The following TRIM49B variants were observed in gnomAD, a reference collection of about 807,000 sequenced individuals.
TRIM49B encodes putative tripartite motif-containing protein 49B.
A neutral mutation model predicts 31.8 loss-of-function variants in TRIM49B; 18 were observed. The ratio of observed to expected loss-of-function variants is 0.57; its 90% CI spans 0.39 to 0.84. The LOEUF (loss-of-function observed/expected upper bound fraction) is 0.84. TRIM49B is among the 40% of genes least tolerant of loss of function. The pLI is 0.00. For synonymous variants in TRIM49B, 196 were observed against 180.6 expected (o/e 1.09, Z -0.68); for missense variants, 494 against 538.7 (o/e 0.92, Z 0.82).
rs779137531 is a variant in TRIM49B at position 49,036,376 on chromosome 11, G to A, written c.837G>A (p.Arg279=). The A allele has an allele frequency of 5.7e-5, 90 of 1,571,476 alleles. No individual in the cohort carries two copies. The highest frequency in any genetic ancestry group is 7.7e-5 in the Non-Finnish European group (89 of 1,158,412). ...ELSAGPITGL[R]DRLNQFRVHI... is the part of the protein sequence containing the mutation. ...GTGCAGGGCCCATCACTGGACTGAG[G>A]GACAGGCTCAACCAATTCCGAGGTA... Residue 279 remains arginine (R), a synonymous_variant, in exon 6 of 7, where the codon AGG becomes AGA. Transcript: ENST00000332682.
In TRIM49B at chr11:49,031,797, C is replaced by T. The variant is rs143516229; in HGVS notation, c.198C>T (p.Thr66=). Residue 66 remains threonine, a synonymous_variant, in exon 2 of 7, where the codon ACC becomes ACT. Transcript: ENST00000332682. ...CAACAGGGCAGATAAACCTCAAAAC[C>T]AACATTCATTTCAAGAAGATGGCTT... is the stretch of plus-strand genomic sequence containing the variant. ...TKSTGQINLK[T]NIHFKKMASL... is the part of the protein sequence containing the mutation. The T allele has an allele frequency of 8.6e-5, 138 of 1,613,958 alleles. 1 individual carries two copies. In the African/African-American group the frequency reaches 1.4e-3, roughly 16 times the overall value.
chr11:49,031,245 A>T (rs1854441427), intron 1 of TRIM49B, among the ~76,000 whole-genome samples: 1 of 152,066 alleles, frequency 6.6e-6, no homozygotes, highest in Non-Finnish European at 1.5e-5. Context: ...GTCATTCATC[A>T]GTTATTGAAA....
At chr11:49,030,325 A>T (rs758591496) in intron 1 of TRIM49B, among the ~76,000 whole-genome samples, 11 of 146,340 alleles carry the variant, frequency 7.5e-5, no homozygotes, top group Non-Finnish European at 1.0e-4. Flanking sequence ...TGACAGAAGG[A>T]TACTCTGTCT....
intron 4 of TRIM49B, 40 bp from the exon 5 acceptor site, chr11:49,035,055 G>C (rs568081128): frequency 1.3e-5 from 20 of 1,569,938 alleles, no homozygotes; most frequent in Admixed American, 8.8e-5. Context: ...GATGCATCTT[G>C]TGAAATGCAC....
Position 49,031,949 on chromosome 11 carries a change from G to T in TRIM49B, c.350G>T (p.Ser117Ile). ...DRSLLCLLCS[S>I]SQEHRDHRHC... is the part of the protein sequence containing the mutation. ...AGCCTGCTCTGTTTGCTGTGCTCCA[G>T]CTCTCAGGAGCACCGGGATCACAGA... The change falls in exon 2 of 7, where the codon AGC (serine) becomes ATC (isoleucine). Residue 117 changes from serine to isoleucine, a missense_variant. Ser to Ile is a moderately radical substitution (Grantham distance 142, BLOSUM62 -2). Coordinates refer to ENST00000332682, the MANE Select transcript of TRIM49B (RefSeq NM_001206626.2). The T allele has an allele frequency of 2.5e-6, 4 of 1,612,038 alleles. No homozygotes were observed. Among genetic ancestry groups the T allele is most frequent in the Non-Finnish European group, 3.4e-6 (4 of 1,179,864 alleles).
chr11:49,029,837 T>C (rs1270569627), intron 1 of TRIM49B, among the ~76,000 whole-genome samples: 1 of 152,200 alleles, frequency 6.6e-6, no homozygotes. Flanking sequence ...TACCAATATG[T>C]TTACTGTACC....
At chr11:49,035,232 C>G (rs1854507753) in intron 5 of TRIM49B, 115 bp downstream of exon 5, 1 of 1,509,874 alleles carries the variant, frequency 6.6e-7, no homozygotes, top group Non-Finnish European at 8.9e-7. Context: ...ATATTGATAC[C>G]ACTTTTTTTT....
At chr11:49,034,793 A>G (rs1854499689) in intron 4 of TRIM49B, among the ~76,000 whole-genome samples, 2 of 152,220 alleles carry the variant, frequency 1.3e-5, no homozygotes, top group Non-Finnish European at 2.9e-5. Context: ...TAACAGGTTC[A>G]GTTAAAGATG....
chr11:49,036,257 A>T (rs780951238), intron 5 of TRIM49B, 44 bp from the exon 6 acceptor site: 4 of 1,593,268 alleles, frequency 2.5e-6, no homozygotes, highest in Non-Finnish European at 3.4e-6. Context: ...ATTTTTATTT[A>T]TTTTATGGCT....
intron 5 of TRIM49B, among the ~76,000 whole-genome samples, chr11:49,036,049 C>A: frequency 7.0e-6 from 1 of 142,454 alleles, no homozygotes. Context: ...TTCTCAAGGC[C>A]ATAAAGCTAA....
intron 3 of TRIM49B, among the ~76,000 whole-genome samples, chr11:49,033,533 G>A (rs1249004626): frequency 6.6e-6 from 1 of 151,946 alleles, no homozygotes; most frequent in Admixed American, 6.6e-5. Context: ...AATTCTAGTT[G>A]GAGAGAATAG....
chr11:49,034,634 C>T (rs1318584478), intron 4 of TRIM49B, among the ~76,000 whole-genome samples: 3 of 152,008 alleles, frequency 2.0e-5, no homozygotes, highest in Admixed American at 6.5e-5. Flanking sequence ...TATTCCCCAT[C>T]TAATTCAATA....
chr11:49,033,154 T>C (rs992023431), intron 3 of TRIM49B, among the ~76,000 whole-genome samples: 6 of 152,174 alleles, frequency 3.9e-5, no homozygotes, highest in Non-Finnish European at 8.8e-5. Flanking sequence ...GGAAGCACCT[T>C]TGTCCTCACA....
Position 49,038,099 on chromosome 11 carries a change from T to C in TRIM49B, c.*122T>C. On this transcript the variant is annotated 3_prime_UTR_variant, in exon 7 of 7. Coordinates refer to ENST00000332682, the MANE Select transcript of TRIM49B (RefSeq NM_001206626.2). ...CTATTTTATATCTTGAATTGCCTTC[T>C]AATGTTATCAAAACTCATTTATTGT... The C allele has an allele frequency of 6.5e-7, 1 of 1,540,764 alleles. No individual in the cohort carries two copies. Among genetic ancestry groups the C allele is most frequent in the South Asian group, 1.3e-5 (1 of 78,180 alleles).
chr11:49,037,586 C>G lies in TRIM49B; in HGVS notation c.968C>G (p.Ala323Gly), dbSNP rs751696082. Residue 323 changes from alanine to glycine, a missense_variant, in exon 7 of 7, where the codon GCA becomes GGA. By Grantham distance (60) the Ala-to-Gly change is moderately conservative. Around this residue, in one of 3 missense-constraint regions of TRIM49B, gnomAD observed 233 missense variants for 281.4 expected, o/e 0.83. Coordinates refer to ENST00000332682, the MANE Select transcript of TRIM49B (RefSeq NM_001206626.2). Reference sequence around the variant, plus strand: ...CATCAAGATGTACCCTATTTCACTGCAACACCTAGAAGTTTTCTTGCATGG... The same window carrying G: ...CATCAAGATGTACCCTATTTCACTGGAACACCTAGAAGTTTTCTTGCATGG... Reference protein sequence around the residue: ...CDHQDVPYFTATPRSFLAWGA... With the variant: ...CDHQDVPYFTGTPRSFLAWGA... 3.1e-6 allele frequency: 5 copies of G among 1,614,118 alleles called. No individual in the cohort carries two copies. The East Asian group carries it at 1.1e-4, about 36-fold the overall frequency.
Position 49,037,991 on chromosome 11 carries a change from A to G in TRIM49B, c.*14A>G. On this transcript the variant is annotated 3_prime_UTR_variant, in exon 7 of 7. Coordinates refer to ENST00000332682, the MANE Select transcript of TRIM49B (RefSeq NM_001206626.2). ...ATTCACTTCTGACCAGAGACAAATCAGAAATGTGTTCACATGCTGTGGGAA... is the reference window on the plus strand; with the variant it reads ...ATTCACTTCTGACCAGAGACAAATCGGAAATGTGTTCACATGCTGTGGGAA... The G allele has an allele frequency of 6.2e-7, 1 of 1,602,460 alleles. No individual in the cohort carries two copies. Among genetic ancestry groups the G allele is most frequent in the East Asian group, 2.2e-5 (1 of 44,850 alleles).
At chr11:49,032,897 G>A (rs1434320148) in intron 3 of TRIM49B, among the ~76,000 whole-genome samples, 1 of 152,148 alleles carries the variant, frequency 6.6e-6, no homozygotes, top group Non-Finnish European at 1.5e-5. Context: ...AACATACGAT[G>A]AGAAAAGTGG....
intron 4 of TRIM49B, among the ~76,000 whole-genome samples, chr11:49,034,816 T>A: frequency 6.6e-6 from 1 of 152,142 alleles, no homozygotes; most frequent in East Asian, 1.9e-4. Flanking sequence ...TGAGTAGGTT[T>A]TTCGTGGTTA....
intron 5 of TRIM49B, among the ~76,000 whole-genome samples, 182 bp from the exon 6 acceptor site, chr11:49,036,119 T>A (rs1468901922): frequency 2.6e-5 from 4 of 152,236 alleles, no homozygotes; most frequent in Non-Finnish European, 5.9e-5. Context: ...TGGCTTAGAT[T>A]CTTCCATCAT....
Sources: allele counts gnomAD v4.1 joint callset (sites outside exome capture counted in the v4.1 genomes callset), GRCh38; gene constraint gnomAD v4.1.1; regional missense constraint gnomAD v4.1.1; transcripts MANE v1.5; gene names NCBI Gene and HGNC (gene_info 2026-07-23, HGNC 2026-07-21).